DNM3: variants seen among roughly 807,000 people sequenced by gnomAD.
DNM3 encodes dynamin 3.
Under a neutral mutation model 101.6 loss-of-function variants are expected in DNM3, and 47 were observed. That is an observed-to-expected ratio of 0.46 (90% confidence interval 0.37 to 0.59). The LOEUF is 0.59. Ranked by LOEUF, DNM3 falls within the 20% of genes least tolerant of loss-of-function variation. The pLI is 0.00. For missense variants in DNM3, 849 were observed against 1,085.7 expected (o/e 0.78, Z 3.06); for synonymous variants, 385 against 387.9 (o/e 0.99, Z 0.09).
At chr1:172,177,257 T>C (rs2059184702) in intron 14 of DNM3, among the ~76,000 whole-genome samples, 3 of 149,408 alleles carry the variant, frequency 2.0e-5, no homozygotes, top group East Asian at 2.0e-4. Context: ...TGTACAAGAA[T>C]AGAGAGAGAG....
At chr1:172,269,209 T>G (rs553832599) in intron 15 of DNM3, among the ~76,000 whole-genome samples, 32 of 152,334 alleles carry the variant, frequency 2.1e-4, no homozygotes, top group African/African-American at 6.5e-4. Flanking sequence ...CACGGCTATG[T>G]AAAGTTCAAG....
intron 15 of DNM3, among the ~76,000 whole-genome samples, chr1:172,287,830 CAT>C (rs1169626556): frequency 2.8e-5 from 4 of 145,368 alleles, no homozygotes; most frequent in East Asian, 2.0e-4. Context: ...CACACACACA[CAT>C]ATATTTTTTG....
chr1:171,967,434 C>T (rs1027928867), intron 2 of DNM3, among the ~76,000 whole-genome samples: 2 of 152,000 alleles, frequency 1.3e-5, no homozygotes, highest in East Asian at 1.9e-4. Flanking sequence ...AATGAAAAGG[C>T]CTTAGAAATA....
intron 10 of DNM3, 150 bp from the exon 11 acceptor site, chr1:172,068,669 T>G (rs2051899406): frequency 4.6e-6 from 3 of 652,374 alleles, no homozygotes; most frequent in Non-Finnish European, 8.0e-6. Flanking sequence ...CCCATCACCT[T>G]GACATCCTTC....
At chr1:172,327,835 C>A (rs2066001971) in intron 17 of DNM3, among the ~76,000 whole-genome samples, 1 of 152,002 alleles carries the variant, frequency 6.6e-6, no homozygotes, top group Non-Finnish European at 1.5e-5. Context: ...TATTTTAGTT[C>A]CATGTGAATA....
chr1:172,133,884 C>G (rs906911288), intron 14 of DNM3, among the ~76,000 whole-genome samples: 1 of 152,064 alleles, frequency 6.6e-6, no homozygotes, highest in Non-Finnish European at 1.5e-5. Context: ...TCAGAGGTAC[C>G]AGTAGATGGG....
intron 4 of DNM3, among the ~76,000 whole-genome samples, chr1:172,006,759 CAT>C (rs2046722004): frequency 6.6e-6 from 1 of 152,020 alleles, no homozygotes; most frequent in Non-Finnish European, 1.5e-5. Flanking sequence ...TGTACCAGAA[CAT>C]TTTCATCACC....
At chr1:172,343,281 T>C (rs1343325726) in intron 17 of DNM3, among the ~76,000 whole-genome samples, 2 of 152,206 alleles carry the variant, frequency 1.3e-5, no homozygotes, top group Non-Finnish European at 2.9e-5. Flanking sequence ...TCAACCTTTT[T>C]TTCTTGCGAT....
At chr1:171,847,885 T>TCC (rs2032374100) in intron 1 of DNM3, among the ~76,000 whole-genome samples, 1 of 42,490 alleles carries the variant, frequency 2.4e-5, no homozygotes, top group African/African-American at 1.1e-4. Context: ...AATTACTCTC[T>TCC]CTCTCTCTCT....
intron 15 of DNM3, among the ~76,000 whole-genome samples, chr1:172,296,053 T>C (rs2064149094): frequency 6.6e-6 from 1 of 151,664 alleles, no homozygotes. Context: ...AGAATCACTT[T>C]TAAGTTATAA....
chr1:172,367,871 C>T (rs182685117), intron 17 of DNM3, among the ~76,000 whole-genome samples: 206 of 151,882 alleles, frequency 1.4e-3, no homozygotes, highest in Middle Eastern at 6.8e-3. Context: ...TGGGAGGGAC[C>T]TGGTAGAATG....
chr1:172,205,646 A>G (rs1054604051), intron 14 of DNM3, among the ~76,000 whole-genome samples: 1 of 152,124 alleles, frequency 6.6e-6, no homozygotes, highest in African/African-American at 2.4e-5. Flanking sequence ...GTCTGAATTA[A>G]CAGAAGACAG....
intron 17 of DNM3, among the ~76,000 whole-genome samples, chr1:172,353,495 A>T (rs967003623): frequency 2.6e-5 from 4 of 152,192 alleles, no homozygotes; most frequent in Non-Finnish European, 5.9e-5. Flanking sequence ...TATATACAGA[A>T]GAGCCCCTAG....
chr1:172,231,512 C>T (rs2061336228), intron 14 of DNM3, among the ~76,000 whole-genome samples: 1 of 152,086 alleles, frequency 6.6e-6, no homozygotes, highest in Admixed American at 6.5e-5. Context: ...AGCAGAAAAA[C>T]TGCAAATTCT....
chr1:172,177,395 T>C (rs2059191298), intron 14 of DNM3, among the ~76,000 whole-genome samples: 1 of 151,876 alleles, frequency 6.6e-6, no homozygotes, highest in South Asian at 2.1e-4. Context: ...ATCATAGCTA[T>C]GTATGTATGG....
rs138114518 is a variant in DNM3, at chr1:171,904,206, G to A, written c.162-17542G>A. Among the ~76,000 whole-genome samples the A allele has an allele frequency of 7.2e-3, 1,098 of 152,026 alleles. 16 individuals are homozygous for A. Among genetic ancestry groups the A allele is most frequent in the African/African-American group, 0.025 (1,046 of 41,446 alleles). On this transcript the variant is annotated intron_variant, in intron 1 of 20. Coordinates refer to ENST00000627582, the MANE Select transcript of DNM3 (RefSeq NM_015569.5). ...ACGCACCTGTAGTCCCAGCTACTCG[G>A]GAGGCTGAGGTGGATCACCTGAGCC... is the stretch of plus-strand genomic sequence containing the variant.
intron 14 of DNM3, among the ~76,000 whole-genome samples, chr1:172,182,026 G>A (rs1199036063): frequency 1.3e-5 from 2 of 151,872 alleles, no homozygotes; most frequent in African/African-American, 4.8e-5. Flanking sequence ...AATATGTAAG[G>A]GGTTTCAAGA....
chr1:171,965,775 T>C (rs1389158419), intron 2 of DNM3, among the ~76,000 whole-genome samples: 1 of 152,114 alleles, frequency 6.6e-6, no homozygotes, highest in African/African-American at 2.4e-5. Context: ...ATTATATAGA[T>C]GTGATTGATT....
chr1:172,275,004 GCT>G lies in DNM3; in HGVS notation c.1769+21325_1769+21326del, dbSNP rs1321035642. On this transcript the variant is annotated intron_variant, in intron 15 of 20. Transcript: ENST00000627582. Reference sequence around the variant, plus strand: ...AAGCAGTTCTGGGACCTGAAGCAATGCTCTGTTATTGGCCATCACAAATGTAA... The same window carrying G: ...AAGCAGTTCTGGGACCTGAAGCAATGCTGTTATTGGCCATCACAAATGTAA... 4.6e-5 allele frequency among the ~76,000 whole-genome samples: 7 copies of G among 151,998 alleles called. 1 individual carries two copies. The highest frequency in any genetic ancestry group is 6.3e-3 in the Middle Eastern group (2 of 316).
Sources: gnomAD v4.1 joint callset for allele counts (sites outside exome capture counted in the v4.1 genomes callset) on GRCh38, gnomAD v4.1.1 for gene constraint, MANE v1.5 for transcripts, NCBI Gene and HGNC (gene_info 2026-07-23, HGNC 2026-07-21) for gene names.